The following KCNN2 variants were observed in gnomAD, a reference collection of about 807,000 sequenced individuals.
The protein encoded by KCNN2 is small conductance calcium-activated potassium channel protein 2.
A neutral mutation model predicts 55.5 loss-of-function variants in KCNN2; 24 were observed. That is an observed-to-expected ratio of 0.43 (90% CI 0.31 to 0.61). KCNN2 has a LOEUF of 0.61. Among genes scored for constraint, KCNN2 ranks in the 20% least tolerant of loss-of-function variants. The pLI, the probability that KCNN2 is intolerant of heterozygous loss-of-function variation, is 0.08. For synonymous variants in KCNN2, 431 were observed against 336.1 expected, an observed-to-expected ratio of 1.28 and a Z score of -3.09; for missense variants, 754 against 853.6, an observed-to-expected ratio of 0.88 and a Z score of 1.45.
At chr5:114,329,456 T>G (rs1756769302) in intron 2 of KCNN2, among the ~76,000 whole-genome samples, 1 of 152,174 alleles carries the variant, frequency 6.6e-6, no homozygotes, top group African/African-American at 2.4e-5. Flanking sequence ...AGCCTTCATC[T>G]TTCTCCCATG....
In KCNN2 at chr5:114,066,970, T is replaced by G. The variant is rs146459281; in HGVS notation, c.-271+10470T>G. Among the ~76,000 whole-genome samples, 234 of 152,344 alleles carry G rather than the reference T, an allele frequency of 1.5e-3. 2 individuals are homozygous for G. The highest frequency in any genetic ancestry group is 5.3e-3 in the African/African-American group (221 of 41,572). On this transcript the variant is annotated intron_variant, in intron 1 of 10. Transcript: ENST00000512097. ...ACATAACTGAGCTCAGGGAGACTGA[T>G]ATATAAACTGAATATCAATTTATTA...
intron 1 of KCNN2, among the ~76,000 whole-genome samples, chr5:114,062,115 T>G (rs1750345632): frequency 1.3e-5 from 2 of 151,082 alleles, no homozygotes; most frequent in African/African-American, 4.9e-5. Flanking sequence ...TTTTTTTTTA[T>G]AAAATTTAGT....
At chr5:114,414,791 A>G (rs924982630) in intron 3 of KCNN2, among the ~76,000 whole-genome samples, 1 of 152,200 alleles carries the variant, frequency 6.6e-6, no homozygotes, top group African/African-American at 2.4e-5. Context: ...TAAAAAGACA[A>G]AAGGATCTTT....
intron 1 of KCNN2, among the ~76,000 whole-genome samples, chr5:114,132,369 T>G (rs1050586288): frequency 6.6e-6 from 1 of 152,236 alleles, no homozygotes; most frequent in East Asian, 1.9e-4. Context: ...TTCTCCCAGC[T>G]CCATTTATGA....
chr5:114,413,282 T>G (rs1035186171), intron 3 of KCNN2, among the ~76,000 whole-genome samples: 3 of 152,176 alleles, frequency 2.0e-5, no homozygotes, highest in Admixed American at 2.0e-4. Context: ...TTTGTTTTGT[T>G]TTTTGTAGTT....
intron 1 of KCNN2, among the ~76,000 whole-genome samples, chr5:114,141,997 G>A (rs979585489): frequency 9.2e-5 from 14 of 151,886 alleles, no homozygotes; most frequent in African/African-American, 2.7e-4. Context: ...TTTCTTGTAA[G>A]TTTGTTTGAG....
chr5:114,160,129 T>G (rs1752737499), intron 1 of KCNN2, among the ~76,000 whole-genome samples: 1 of 152,218 alleles, frequency 6.6e-6, no homozygotes, highest in Admixed American at 6.5e-5. Context: ...CTGCTTTCTC[T>G]CGTGGGCATT....
chr5:114,252,922 A>T (rs1157594019), intron 2 of KCNN2, among the ~76,000 whole-genome samples: 3 of 152,042 alleles, frequency 2.0e-5, no homozygotes, highest in Non-Finnish European at 4.4e-5. Context: ...CCTCCCCACC[A>T]TTTCAACAAG....
intron 1 of KCNN2, among the ~76,000 whole-genome samples, chr5:114,076,902 C>A (rs1053571896): frequency 6.6e-6 from 1 of 152,088 alleles, no homozygotes; most frequent in African/African-American, 2.4e-5. Flanking sequence ...ACCGTGTTAG[C>A]CAGGATGGTC....
At chr5:114,195,526 T>A (rs1753537062) in intron 1 of KCNN2, among the ~76,000 whole-genome samples, 1 of 152,070 alleles carries the variant, frequency 6.6e-6, no homozygotes, top group Non-Finnish European at 1.5e-5. Context: ...TGTATATTTA[T>A]CTTTTATCCT....
intron 1 of KCNN2, among the ~76,000 whole-genome samples, chr5:114,195,646 T>C (rs1478653764): frequency 6.6e-6 from 1 of 152,020 alleles, no homozygotes; most frequent in Non-Finnish European, 1.5e-5. Flanking sequence ...TTTTACTTTT[T>C]CATTTTCAAT....
At chr5:114,170,445 G>A (rs866604695) in intron 1 of KCNN2, among the ~76,000 whole-genome samples, 10 of 152,028 alleles carry the variant, frequency 6.6e-5, no homozygotes, top group South Asian at 4.2e-4. Flanking sequence ...ATGCTTTGTG[G>A]TGGGGAACAC....
intron 1 of KCNN2, among the ~76,000 whole-genome samples, chr5:114,184,499 A>T (rs1304826690): frequency 1.3e-5 from 2 of 152,206 alleles, no homozygotes; most frequent in Non-Finnish European, 2.9e-5. Context: ...AATTATTCAG[A>T]AAAGTTTGTC....
At chr5:114,481,253 C>G (rs1050132122) in intron 5 of KCNN2, among the ~76,000 whole-genome samples, 6 of 152,122 alleles carry the variant, frequency 3.9e-5, no homozygotes, top group Non-Finnish European at 7.4e-5. Context: ...TCCACAATTG[C>G]TACCAAAGAA....
intron 2 of KCNN2, among the ~76,000 whole-genome samples, chr5:114,296,206 A>G (rs1250333924): frequency 6.6e-6 from 1 of 152,186 alleles, no homozygotes; most frequent in African/African-American, 2.4e-5. Context: ...TTCTAAGTTA[A>G]AGGAGGGAGA....
At chr5:114,072,756 A>G (rs1324395594) in intron 1 of KCNN2, among the ~76,000 whole-genome samples, 2 of 152,134 alleles carry the variant, frequency 1.3e-5, no homozygotes, top group Non-Finnish European at 2.9e-5. Context: ...TGGACTTGGG[A>G]ATTTCTGTGG....
chr5:114,137,318 TA>T (rs1332920372), intron 1 of KCNN2, among the ~76,000 whole-genome samples: 3 of 152,164 alleles, frequency 2.0e-5, no homozygotes, highest in South Asian at 2.1e-4. Flanking sequence ...AAATATTTCT[TA>T]AAACTCGATG....
At chr5:114,298,615 A>G (rs1364315555) in intron 2 of KCNN2, among the ~76,000 whole-genome samples, 3 of 152,240 alleles carry the variant, frequency 2.0e-5, no homozygotes, top group Non-Finnish European at 4.4e-5. Context: ...ATATTCTATA[A>G]GAAATAATCC....
chr5:114,328,651 G>A (rs1732520255), intron 2 of KCNN2, among the ~76,000 whole-genome samples: 1 of 152,142 alleles, frequency 6.6e-6, no homozygotes, highest in South Asian at 2.1e-4. Context: ...GTCACCTTGA[G>A]GCCCATGGGA....
Sources: allele counts gnomAD v4.1 joint callset (sites outside exome capture counted in the v4.1 genomes callset), GRCh38; gene constraint gnomAD v4.1.1; transcripts MANE v1.5; gene names NCBI Gene and HGNC (gene_info 2026-07-23, HGNC 2026-07-21).